The following DLEC1 variants were observed in gnomAD, a reference collection of about 807,000 sequenced individuals.
The protein encoded by DLEC1 is deleted in lung and esophageal cancer protein 1.
DLEC1 carries 146 observed loss-of-function variants against 198.1 expected under a neutral mutation model. The ratio of observed to expected loss-of-function variants is 0.74; its 90% confidence interval spans 0.64 to 0.85. The LOEUF (loss-of-function observed/expected upper bound fraction) is 0.85, where lower values mean the gene tolerates loss of function less well. Among genes scored for constraint, DLEC1 ranks in the 40% least tolerant of loss-of-function variants. The pLI, the probability that DLEC1 is intolerant of heterozygous loss-of-function variation, is 0.00. For synonymous variants in DLEC1, 897 were observed against 866.8 expected, an observed-to-expected ratio of 1.03 and a Z score of -0.61; for missense variants, 2,233 against 2,220.0, an observed-to-expected ratio of 1.01 and a Z score of -0.12.
At chr3:38,053,244 G>A (rs966443330) in intron 2 of DLEC1, among the ~76,000 whole-genome samples, 15 of 152,092 alleles carry the variant, frequency 9.9e-5, no homozygotes, top group African/African-American at 3.6e-4. Context: ...TCTCTGCCTG[G>A]CCGCCCATCG....
intron 5 of DLEC1, among the ~76,000 whole-genome samples, chr3:38,063,077 C>T (rs1696783173): frequency 6.6e-6 from 1 of 152,158 alleles, no homozygotes; most frequent in Non-Finnish European, 1.5e-5. Flanking sequence ...CAAATGGAAG[C>T]AATCCCGTTA....
intron 6 of DLEC1, among the ~76,000 whole-genome samples, chr3:38,076,467 T>C (rs997015603): frequency 6.6e-6 from 1 of 151,956 alleles, no homozygotes; most frequent in Non-Finnish European, 1.5e-5. Context: ...AGGGGGTTTG[T>C]TCTCTGGCAG....
chr3:38,083,381 C>G (rs939150203), intron 6 of DLEC1, among the ~76,000 whole-genome samples: 2 of 151,192 alleles, frequency 1.3e-5, no homozygotes, highest in Admixed American at 6.6e-5. Flanking sequence ...GTGGGGGTTG[C>G]AAAGTACTCA....
chr3:38,058,239 C>A (rs1696483961), intron 2 of DLEC1, among the ~76,000 whole-genome samples: 1 of 152,226 alleles, frequency 6.6e-6, no homozygotes, highest in Admixed American at 6.5e-5. Context: ...ACTCCCATAT[C>A]TTCTTGCCTG....
chr3:38,059,821 C>G lies in DLEC1; in HGVS notation c.642C>G (p.Thr214=). 6.2e-7 allele frequency: 1 copy of G among 1,614,134 alleles called. No individual in the cohort carries two copies. Among genetic ancestry groups the G allele is most frequent in the Non-Finnish European group, 8.5e-7 (1 of 1,180,012 alleles). Residue 214 remains threonine, a synonymous_variant, in exon 3 of 37, where the codon ACC becomes ACG. Transcript: ENST00000308059. ...TGATCTCCCCAGAAGATTACTACAC[C>G]GATACAGTGCCGTTTCACTCTGCAC... The part of the protein sequence containing the change: ...HHLISPEDYY[T]DTVPFHSAPK...
chr3:38,112,395 G>T lies in DLEC1; in HGVS notation c.3666+34G>T. Reference sequence around the variant, plus strand: ...ACACAAGAGGGCAGTGGCCTGGGGGGTGGAGAGTCTGCCCAGCCCTCGCCT... The same window carrying T: ...ACACAAGAGGGCAGTGGCCTGGGGGTTGGAGAGTCTGCCCAGCCCTCGCCT... On this transcript the variant is annotated intron_variant, in intron 25 of 36. Coordinates refer to ENST00000308059, the MANE Select transcript of DLEC1 (RefSeq NM_007335.4). This position sits in a 1 kb window ranked among gnomAD's most constrained non-coding sequence, Gnocchi z 4.8. 6.2e-7 allele frequency: 1 copy of T among 1,607,412 alleles called. No homozygotes were observed. The highest frequency in any genetic ancestry group is 8.5e-7 in the Non-Finnish European group (1 of 1,174,708).
chr3:38,067,039 G>T (rs1697065629), intron 6 of DLEC1, among the ~76,000 whole-genome samples: 1 of 152,154 alleles, frequency 6.6e-6, no homozygotes, highest in African/African-American at 2.4e-5. Context: ...TCTTCTTCAG[G>T]GCTTTCAGAT....
intron 9 of DLEC1, among the ~76,000 whole-genome samples, chr3:38,086,820 A>T (rs922106582): frequency 6.6e-6 from 1 of 152,206 alleles, no homozygotes; most frequent in African/African-American, 2.4e-5. Flanking sequence ...CACACATGTA[A>T]TCCCAGCACT....
intron 21 of DLEC1, 120 bp downstream of exon 21, chr3:38,108,635 G>T: frequency 1.3e-6 from 1 of 784,410 alleles, no homozygotes. Flanking sequence ...GTGGGGAAGA[G>T]ATTTCTTGCA....
chr3:38,119,441 G>C (rs1212251705), intron 33 of DLEC1, among the ~76,000 whole-genome samples: 2 of 152,130 alleles, frequency 1.3e-5, no homozygotes, highest in South Asian at 2.1e-4. Flanking sequence ...AAGCCCTGCG[G>C]ATGCCCCCTC....
At position 38,043,613 on chromosome 3, in the gene DLEC1, C is replaced by A. The variant is rs1014730367; in HGVS notation, c.412-1930C>A. On this transcript the variant is annotated intron_variant, in intron 1 of 36. Transcript: ENST00000308059. ...TTCACCTATTTGTATCCTTGCCAGGCCCCTCCTGCTAAACTGTAAACTCTT... is the reference window on the plus strand; with the variant it reads ...TTCACCTATTTGTATCCTTGCCAGGACCCTCCTGCTAAACTGTAAACTCTT... Among the ~76,000 whole-genome samples, 5 of 152,320 alleles carry A rather than the reference C, an allele frequency of 3.3e-5. No individual in the cohort carries two copies. The South Asian group carries it at 1.0e-3, about 32-fold the overall frequency.
chr3:38,069,015 A>G (rs1373049072), intron 6 of DLEC1, among the ~76,000 whole-genome samples: 1 of 152,202 alleles, frequency 6.6e-6, no homozygotes, highest in Non-Finnish European at 1.5e-5. Flanking sequence ...CATATCCTCC[A>G]TCTATAATTA....
At chr3:38,040,848 AT>A (rs566659189) in intron 1 of DLEC1, among the ~76,000 whole-genome samples, 27 of 149,462 alleles carry the variant, frequency 1.8e-4, no homozygotes, top group African/African-American at 3.2e-4. Context: ...CATATTACAA[AT>A]TTTTTTTTTT....
At chr3:38,070,772 G>T (rs997436415) in intron 6 of DLEC1, among the ~76,000 whole-genome samples, 7 of 152,180 alleles carry the variant, frequency 4.6e-5, no homozygotes, top group African/African-American at 1.7e-4. Flanking sequence ...CTTAAGGCAA[G>T]GACCGGCCAT....
chr3:38,096,465 AGT>A, intron 14 of DLEC1, 102 bp from the exon 15 acceptor site: 5 of 1,355,136 alleles, frequency 3.7e-6, no homozygotes, highest in East Asian at 4.6e-5. Flanking sequence ...TGGGTTAGGC[AGT>A]GTTTTTTTTT....
At chr3:38,109,382 T>C in intron 21 of DLEC1, 50 bp from the exon 22 acceptor site, 1 of 1,609,326 alleles carries the variant, frequency 6.2e-7, no homozygotes, top group Non-Finnish European at 8.5e-7. Flanking sequence ...TCTGGGCTCA[T>C]CTTCAGAGGC....
At chr3:38,081,705 C>T (rs1427404885) in intron 6 of DLEC1, among the ~76,000 whole-genome samples, 66 of 65,246 alleles carry the variant, frequency 1.0e-3, no homozygotes, top group Non-Finnish European at 1.1e-3. Context: ...GGTGGCTGGC[C>T]GGGCTGAGGG....
intron 27 of DLEC1, among the ~76,000 whole-genome samples, chr3:38,115,782 A>G (rs1700123772): frequency 6.6e-6 from 1 of 151,988 alleles, no homozygotes; most frequent in Admixed American, 6.6e-5. Context: ...GGGTGTGGGA[A>G]GGCAGATGGA....
chr3:38,083,610 A>G (rs1698180842), intron 6 of DLEC1, among the ~76,000 whole-genome samples: 1 of 151,488 alleles, frequency 6.6e-6, no homozygotes, highest in Admixed American at 6.7e-5. Context: ...GTCATCAGTT[A>G]AGGTGGGGCA....
Sources: gnomAD v4.1 joint callset for allele counts (sites outside exome capture counted in the v4.1 genomes callset) on GRCh38, gnomAD v4.1.1 for gene constraint, Gnocchi (gnomAD v3.1) non-coding constraint, MANE v1.5 for transcripts, NCBI Gene and HGNC (gene_info 2026-07-23, HGNC 2026-07-21) for gene names.